The following STOX1 variants were observed in gnomAD, a reference collection of about 807,000 sequenced individuals.
The protein encoded by STOX1 is storkhead box 1.
In STOX1, 57 loss-of-function variants were observed where a neutral mutation model predicts 74.8. That is an observed-to-expected ratio of 0.76 (90% CI 0.62 to 0.95). STOX1 has a LOEUF of 0.95. Among genes scored for constraint, STOX1 ranks in the 40% least tolerant of loss-of-function variants. The pLI, the probability that STOX1 is intolerant of heterozygous loss-of-function variation, is 0.00. For missense variants in STOX1, 1,010 were observed against 1,117.0 expected, an observed-to-expected ratio of 0.90 and a Z score of 1.37; for synonymous variants, 375 against 401.3, an observed-to-expected ratio of 0.93 and a Z score of 0.78.
intron 1 of STOX1, among the ~76,000 whole-genome samples, chr10:68,831,907 ATGT>A (rs757361412): frequency 6.0e-5 from 9 of 149,848 alleles, no homozygotes; most frequent in Non-Finnish European, 1.0e-4. Flanking sequence ...CAGTCCTCAA[ATGT>A]TGTATTTTCT....
In STOX1 at chr10:68,885,247, G is replaced by A. The variant is rs577749953; in HGVS notation, c.1451G>A (p.Gly484Asp). ...KPLGEITTVLGSHLIYKKRIS... is the reference protein window; with the variant it reads ...KPLGEITTVLDSHLIYKKRIS... Reference sequence around the variant, plus strand: ...CTTGGTGAGATTACAACAGTGCTAGGTTCCCATTTGATTTACAAAAAGCGA... The same window carrying A: ...CTTGGTGAGATTACAACAGTGCTAGATTCCCATTTGATTTACAAAAAGCGA... Residue 484 changes from glycine (G) to aspartate (D), a missense_variant, in exon 3 of 4, where the codon GGT becomes GAT. Physicochemically the swap from Gly to Asp is moderately conservative, Grantham distance 94. Coordinates refer to ENST00000298596, the MANE Select transcript of STOX1 (RefSeq NM_152709.5). 6.2e-7 allele frequency: 1 copy of A among 1,614,196 alleles called. No homozygotes were observed. Among genetic ancestry groups the A allele is most frequent in the South Asian group, 1.1e-5 (1 of 91,086 alleles).
At chr10:68,843,255 C>T (rs929996232) in intron 1 of STOX1, among the ~76,000 whole-genome samples, 4 of 151,992 alleles carry the variant, frequency 2.6e-5, no homozygotes, top group African/African-American at 9.7e-5. Flanking sequence ...TGGTCCCGAA[C>T]TCCTGGTCTC....
At chr10:68,886,868 C>T (rs1230508819) in intron 3 of STOX1, among the ~76,000 whole-genome samples, 3 of 150,794 alleles carry the variant, frequency 2.0e-5, no homozygotes, top group Admixed American at 6.6e-5. Flanking sequence ...TGTAGTGAGC[C>T]GAGATCGTGC....
chr10:68,839,750 C>T (rs1175565157), intron 1 of STOX1, among the ~76,000 whole-genome samples: 7 of 151,986 alleles, frequency 4.6e-5, no homozygotes, highest in African/African-American at 7.3e-5. Context: ...ATTAGCCAGG[C>T]GTGGTAGTGG....
intron 1 of STOX1, among the ~76,000 whole-genome samples, chr10:68,876,565 G>T (rs1424373138): frequency 1.3e-5 from 2 of 152,104 alleles, no homozygotes; most frequent in Non-Finnish European, 2.9e-5. Context: ...AATAACCTCA[G>T]CTCTATGGTT....
At chr10:68,863,200 G>A (rs1395335719) in intron 1 of STOX1, among the ~76,000 whole-genome samples, 1 of 152,098 alleles carries the variant, frequency 6.6e-6, no homozygotes, top group Admixed American at 6.5e-5. Flanking sequence ...ATCCAGCCAA[G>A]TTACAGGCTA....
At chr10:68,868,076 C>A (rs1179000527) in intron 1 of STOX1, among the ~76,000 whole-genome samples, 1 of 152,362 alleles carries the variant, frequency 6.6e-6, no homozygotes, top group Non-Finnish European at 1.5e-5. Context: ...CCAACCGTCG[C>A]TCTGGCGACC....
Position 68,840,152 on chromosome 10 carries a change from A to G in STOX1, c.310+12219A>G, listed in dbSNP as rs183351292. Among the ~76,000 whole-genome samples, 796 of 152,268 alleles carry G rather than the reference A, an allele frequency of 5.2e-3. 10 individuals carry two copies. The highest frequency in any genetic ancestry group is 0.018 in the African/African-American group (761 of 41,538). ...TCCACATGCAAAGGAATGAAATTCTACCCCTTTCTTATACCATCCACAACA... is the reference window on the plus strand; with the variant it reads ...TCCACATGCAAAGGAATGAAATTCTGCCCCTTTCTTATACCATCCACAACA... On this transcript the variant is annotated intron_variant, in intron 1 of 3. Transcript: ENST00000298596.
downstream of STOX1, among the ~76,000 whole-genome samples, chr10:68,894,722 T>C (rs1841162989): frequency 6.6e-6 from 1 of 152,060 alleles, no homozygotes; most frequent in South Asian, 2.1e-4. Context: ...AGAGAAGTAT[T>C]TTAACAACGA....
At chr10:68,843,282 T>G (rs1481280612) in intron 1 of STOX1, among the ~76,000 whole-genome samples, 1 of 152,162 alleles carries the variant, frequency 6.6e-6, no homozygotes, top group East Asian at 1.9e-4. Context: ...TCCTCCCGTC[T>G]TGGCCTCCCA....
In STOX1 at chr10:68,892,958, T is replaced by C. The variant is rs1841132661; in HGVS notation, c.*222T>C. 4.5e-6 allele frequency: 2 copies of C among 449,230 alleles called. No individual in the cohort carries two copies. Among genetic ancestry groups the C allele is most frequent in the Non-Finnish European group, 7.8e-6 (2 of 256,332 alleles). The allele number at this position is 449,230 out of a possible 1,614,324, so 27.8% of individuals were successfully genotyped here. A position where few individuals can be genotyped will look rare whatever the true frequency, so the allele number is the denominator to read the frequency against. On this transcript the variant is annotated 3_prime_UTR_variant, in exon 4 of 4. Coordinates refer to ENST00000298596, the MANE Select transcript of STOX1 (RefSeq NM_152709.5). ...TTACTGTGAGTTTATTGGGAGTATA[T>C]AGATTATTTTCGATTAAAAAGTGGA...
chr10:68,860,099 G>C (rs941947162), intron 1 of STOX1, among the ~76,000 whole-genome samples: 1 of 151,856 alleles, frequency 6.6e-6, no homozygotes, highest in Non-Finnish European at 1.5e-5. Flanking sequence ...AGACCAGCCT[G>C]GCCAACATGG....
intron 1 of STOX1, among the ~76,000 whole-genome samples, chr10:68,830,519 T>G (rs906426095): frequency 6.6e-6 from 1 of 152,006 alleles, no homozygotes; most frequent in South Asian, 2.1e-4. Context: ...ATTTTTGTAT[T>G]TTTAGTAGAG....
intron 1 of STOX1, among the ~76,000 whole-genome samples, chr10:68,873,223 C>G (rs866404981): frequency 4.0e-5 from 6 of 149,978 alleles, no homozygotes; most frequent in African/African-American, 1.5e-4. Context: ...GGAGCAGGGA[C>G]CCTCTTTTTA....
chr10:68,855,078 A>G (rs113010718), intron 1 of STOX1, among the ~76,000 whole-genome samples: 3,267 of 151,666 alleles, frequency 0.022, 147 homozygotes, highest in African/African-American at 0.075. Context: ...TGATCACACC[A>G]CTGCACTCCA....
At chr10:68,876,140 A>ATTCTGAATATG (rs1371250663) in intron 1 of STOX1, among the ~76,000 whole-genome samples, 18 of 135,112 alleles carry the variant, frequency 1.3e-4, no homozygotes, top group Non-Finnish European at 2.0e-4. Flanking sequence ...ATATATATAT[A>ATTCTGAATATG]TATATATATA....
chr10:68,883,192 A>G (rs998671799), intron 2 of STOX1, among the ~76,000 whole-genome samples: 2 of 149,536 alleles, frequency 1.3e-5, no homozygotes, highest in African/African-American at 5.0e-5. Context: ...CCTGGCCAAT[A>G]TGGTGAAACC....
chr10:68,884,961 A>T lies in STOX1; in HGVS notation c.1165A>T (p.Lys389Ter). The change falls in exon 3 of 4, where the codon AAA becomes TAA. Residue 389 changes from lysine to a stop codon, truncating the protein, a stop_gained. Transcript: ENST00000298596. LOFTEE classifies it high-confidence loss of function. ...AATGCAAAAATACGAAGAACAGAAA[A>T]AATATAATAGCCAGGGCACTTCCAC... ...VLMQKYEEQKKYNSQGTSTDM... is the reference protein window; with the variant it reads ...VLMQKYEEQK 1 of 1,614,138 alleles carries T rather than the reference A, an allele frequency of 6.2e-7. No individual in the cohort carries two copies.
chr10:68,858,623 A>C lies in STOX1; in HGVS notation c.311-23335A>C, dbSNP rs531091987. ...TGAAAGCAGCTGGGAGACCTGAAAGACACTATTAATGCAGAAACTCAGTGA... is the reference window on the plus strand; with the variant it reads ...TGAAAGCAGCTGGGAGACCTGAAAGCCACTATTAATGCAGAAACTCAGTGA... On this transcript the variant is annotated intron_variant, in intron 1 of 3. Transcript: ENST00000298596. 2.6e-5 allele frequency among the ~76,000 whole-genome samples: 4 copies of C among 152,242 alleles called. No individual in the cohort carries two copies. In the South Asian group the frequency reaches 8.3e-4, roughly 32 times the overall value.
Sources: gnomAD v4.1 joint callset for allele counts (sites outside exome capture counted in the v4.1 genomes callset) on GRCh38, gnomAD v4.1.1 for gene constraint, MANE v1.5 for transcripts, NCBI Gene and HGNC (gene_info 2026-07-23, HGNC 2026-07-21) for gene names.